JAK1: variants seen among roughly 807,000 people sequenced by gnomAD.
JAK1 encodes Janus kinase 1, also known as tyrosine-protein kinase JAK1.
A neutral mutation model predicts 136.6 loss-of-function variants in JAK1; 16 were observed. The observed-to-expected ratio is 0.12, with a 90% CI of 0.08 to 0.18. The LOEUF (loss-of-function observed/expected upper bound fraction) is 0.18. Among genes scored for constraint, JAK1 ranks in the 10% least tolerant of loss-of-function variants. The probability of loss-of-function intolerance (pLI) is 1.00; values close to 1 mark genes in which losing one functional copy is unlikely to be tolerated. For synonymous variants in JAK1, 492 were observed against 519.5 expected (o/e 0.95, Z 0.72); for missense variants, 859 against 1,450.1 (o/e 0.59, Z 6.62).
intron 1 of JAK1, among the ~76,000 whole-genome samples, chr1:64,897,274 A>G (rs1457209600): frequency 6.6e-6 from 1 of 151,166 alleles, no homozygotes; most frequent in Non-Finnish European, 1.5e-5. Context: ...TACTAAAAAT[A>G]CAAAAATTAG....
intron 1 of JAK1, among the ~76,000 whole-genome samples, chr1:64,950,845 G>T (rs1646072538): frequency 6.6e-6 from 1 of 152,206 alleles, no homozygotes; most frequent in Non-Finnish European, 1.5e-5. Flanking sequence ...CCAGCATGAT[G>T]ATGGATTAAA....
intron 8 of JAK1, among the ~76,000 whole-genome samples, chr1:64,864,020 T>C (rs554012645): frequency 6.6e-6 from 1 of 152,152 alleles, no homozygotes; most frequent in East Asian, 1.9e-4. Context: ...GAAAGACAAG[T>C]TATTCTGAAT....
At position 64,844,049 on chromosome 1, in the gene JAK1, G is replaced by GA; in HGVS notation, c.2403+14dup. 6.2e-7 allele frequency: 1 copy of GA among 1,613,452 alleles called. No individual in the cohort carries two copies. The highest frequency in any genetic ancestry group is 8.5e-7 in the Non-Finnish European group (1 of 1,179,892). On this transcript the variant is annotated intron_variant, in intron 17 of 24. Transcript: ENST00000342505. The surrounding 1 kb of genome is among the most constrained non-coding windows in gnomAD (Gnocchi z 5.7). ...AGCCCTCACTTGCCTCACGCCCCGG[G>GA]AAACACCTGCTCACCTCAATCAGCG...
chr1:65,025,990 T>G (rs1204052529), intron 2 of JAK1, among the ~76,000 whole-genome samples: 1 of 152,180 alleles, frequency 6.6e-6, no homozygotes, highest in African/African-American at 2.4e-5. Flanking sequence ...AACCACATTT[T>G]TCTAAGCCAT....
chr1:64,913,755 G>A (rs1214227241), intron 1 of JAK1, among the ~76,000 whole-genome samples: 1 of 151,150 alleles, frequency 6.6e-6, no homozygotes. Context: ...GGAAGTGTGT[G>A]GGAGCAAAAA....
chr1:64,948,630 T>G (rs932785230), intron 1 of JAK1, among the ~76,000 whole-genome samples: 1 of 152,270 alleles, frequency 6.6e-6, no homozygotes, highest in Non-Finnish European at 1.5e-5. Context: ...AAATTGCTTT[T>G]GGGCTTCTCT....
At chr1:65,006,385 T>C (rs939643524) in intron 2 of JAK1, among the ~76,000 whole-genome samples, 1 of 152,164 alleles carries the variant, frequency 6.6e-6, no homozygotes, top group Non-Finnish European at 1.5e-5. Flanking sequence ...AAAGATGTGG[T>C]CTTACTCTTT....
At chr1:65,049,733 T>C (rs561950772) in intron 1 of JAK1, among the ~76,000 whole-genome samples, 1 of 152,284 alleles carries the variant, frequency 6.6e-6, no homozygotes, top group Admixed American at 6.5e-5. Flanking sequence ...CTGGAGGCCA[T>C]GATGTCCAAG....
At chr1:64,916,635 C>T (rs1358207876) in intron 1 of JAK1, among the ~76,000 whole-genome samples, 1 of 152,004 alleles carries the variant, frequency 6.6e-6, no homozygotes, top group African/African-American at 2.4e-5. Context: ...GTCTGGAGTT[C>T]AAGATCACCC....
At chr1:65,033,599 A>T (rs1156994996) in intron 2 of JAK1, among the ~76,000 whole-genome samples, 1 of 151,962 alleles carries the variant, frequency 6.6e-6, no homozygotes, top group Non-Finnish European at 1.5e-5. Context: ...ATTAGAAAAC[A>T]TTGCCCATTT....
In JAK1 at chr1:64,903,619, T is replaced by C. The variant is rs76609106; in HGVS notation, c.-77-17278A>G. ...CTTTTCAGTCAGGAGGTATGTCAACTTAGACATGTCTCTAAATCTCTGAGC... is the reference window on the plus strand; with the variant it reads ...CTTTTCAGTCAGGAGGTATGTCAACCTAGACATGTCTCTAAATCTCTGAGC... On this transcript the variant is annotated intron_variant, in intron 1 of 24. Coordinates refer to ENST00000342505, the MANE Select transcript of JAK1 (RefSeq NM_002227.4). 4.4e-3 allele frequency among the ~76,000 whole-genome samples: 670 copies of C among 152,318 alleles called. 6 individuals are homozygous for C. Among genetic ancestry groups the C allele is most frequent in the African/African-American group, 0.015 (638 of 41,572 alleles).
At chr1:64,885,397 C>G (rs1423983274) in intron 2 of JAK1, among the ~76,000 whole-genome samples, 1 of 152,176 alleles carries the variant, frequency 6.6e-6, no homozygotes, top group African/African-American at 2.4e-5. Flanking sequence ...CCCTCTAACT[C>G]TAAGGAAATA....
intron 1 of JAK1, among the ~76,000 whole-genome samples, chr1:64,908,965 A>G (rs183423842): frequency 6.6e-6 from 1 of 152,310 alleles, no homozygotes; most frequent in Non-Finnish European, 1.5e-5. Context: ...ACAGACACAG[A>G]TAAGTGGTTG....
rs1654336595 is a variant in JAK1, at chr1:64,834,422, T to C, written c.*140A>G. On this transcript the variant is annotated 3_prime_UTR_variant, in exon 25 of 25. Coordinates refer to ENST00000342505, the MANE Select transcript of JAK1 (RefSeq NM_002227.4). The stretch of plus-strand genomic sequence containing the variant: ...CACTACAGTGTGCCTTATACATGTA[T>C]ATGTACTGAAGTATGAGTTCAGTGA... 2.1e-5 allele frequency: 13 copies of C among 618,214 alleles called. No homozygotes were observed. Among genetic ancestry groups the C allele is most frequent in the Non-Finnish European group, 3.2e-5 (11 of 340,658 alleles). The allele number at this position is 618,214 out of a possible 1,614,324, so 38.3% of individuals were successfully genotyped here. A position where few individuals can be genotyped will look rare whatever the true frequency, so the allele number is the denominator to read the frequency against.
At position 64,860,038 on chromosome 1, in the gene JAK1, C is replaced by T. The variant is rs566814492; in HGVS notation, c.1334+67G>A. On this transcript the variant is annotated intron_variant, in intron 9 of 24. Coordinates refer to ENST00000342505, the MANE Select transcript of JAK1 (RefSeq NM_002227.4). ...ACTGGCCTGACCTAAACAATGATGA[C>T]ATGCCCCATCACTAAAACACGGGCT... 9.2e-6 allele frequency: 12 copies of T among 1,301,904 alleles called. No homozygotes were observed. In the African/African-American group the frequency reaches 1.5e-4, roughly 16 times the overall value. The allele number at this position is 1,301,904 out of a possible 1,614,324, so 80.6% of individuals were successfully genotyped here. A position where few individuals can be genotyped will look rare whatever the true frequency, so the allele number is the denominator to read the frequency against.
At chr1:64,873,235 T>C in intron 5 of JAK1, 135 bp downstream of exon 5, 1 of 930,560 alleles carries the variant, frequency 1.1e-6, no homozygotes, top group South Asian at 1.7e-5. Context: ...CAAGTCCAGG[T>C]GTGGCAAGAA....
rs577954259 is a variant in JAK1 at position 65,038,055 on chromosome 1, C to T, written c.-78+6425G>A. Among the ~76,000 whole-genome samples, 3 of 152,188 alleles carry T rather than the reference C, an allele frequency of 2.0e-5. No individual in the cohort carries two copies. In the East Asian group the frequency reaches 5.8e-4, roughly 29 times the overall value. Reference sequence around the variant, plus strand: ...TAGCTCTAGTTTTCCCTGTTGAGGTCAAGTCTATCCCTTCTTACGTGGGAA... The same window carrying T: ...TAGCTCTAGTTTTCCCTGTTGAGGTTAAGTCTATCCCTTCTTACGTGGGAA... On this transcript the variant is annotated intron_variant, in intron 2 of 25. Coordinates refer to the JAK1 transcript ENST00000671954.
chr1:64,950,614 C>G (rs560412316), intron 1 of JAK1, among the ~76,000 whole-genome samples: 2 of 152,268 alleles, frequency 1.3e-5, no homozygotes, highest in South Asian at 4.1e-4. Flanking sequence ...TCTCACTCAC[C>G]AAGTAACTTG....
intron 1 of JAK1, among the ~76,000 whole-genome samples, chr1:64,955,633 G>T (rs916326321): frequency 9.2e-5 from 14 of 152,322 alleles, no homozygotes; most frequent in Middle Eastern, 3.4e-3. Flanking sequence ...GGCAATAGGG[G>T]CTTCTAAAGG....
Sources: allele counts gnomAD v4.1 joint callset (sites outside exome capture counted in the v4.1 genomes callset), GRCh38; gene constraint gnomAD v4.1.1; non-coding constraint Gnocchi (gnomAD v3.1); transcripts MANE v1.5; gene names NCBI Gene and HGNC (gene_info 2026-07-23, HGNC 2026-07-21).